Variants in SLC24A3 observed in about 807,000 individuals in gnomAD.
The protein encoded by SLC24A3 is solute carrier family 24 member 3.
Under a neutral mutation model 75.8 loss-of-function variants are expected in SLC24A3, and 28 were observed. The observed-to-expected ratio is 0.37, with a 90% CI of 0.27 to 0.51. SLC24A3 has a LOEUF of 0.51. SLC24A3 is among the 20% of genes least tolerant of loss of function. SLC24A3 has a pLI of 0.94. For missense variants in SLC24A3, 663 were observed against 847.8 expected, an observed-to-expected ratio of 0.78 and a Z score of 2.71; for synonymous variants, 372 against 334.1, an observed-to-expected ratio of 1.11 and a Z score of -1.24.
At chr20:19,331,871 G>A (rs1985007685) in intron 2 of SLC24A3, among the ~76,000 whole-genome samples, 1 of 152,182 alleles carries the variant, frequency 6.6e-6, no homozygotes, top group Admixed American at 6.5e-5. Flanking sequence ...GTCGTGATGG[G>A]GGTCGATGGG....
At chr20:19,550,234 C>G (rs1011618350) in intron 3 of SLC24A3, among the ~76,000 whole-genome samples, 6 of 152,168 alleles carry the variant, frequency 3.9e-5, no homozygotes, top group Admixed American at 6.5e-5. Flanking sequence ...TTTTTCTACA[C>G]TCTTAATTTT....
intron 2 of SLC24A3, among the ~76,000 whole-genome samples, chr20:19,305,260 G>A (rs1032376350): frequency 1.3e-5 from 2 of 152,160 alleles, no homozygotes; most frequent in African/African-American, 4.8e-5. Context: ...GAGGATGGTT[G>A]CTTCCTGTGT....
At chr20:19,363,616 CA>C (rs1165510833) in intron 2 of SLC24A3, among the ~76,000 whole-genome samples, 1 of 152,128 alleles carries the variant, frequency 6.6e-6, no homozygotes, top group Non-Finnish European at 1.5e-5. Flanking sequence ...ATGAGAGGAA[CA>C]AAATACACTC....
At chr20:19,394,697 A>G (rs1986423628) in intron 2 of SLC24A3, among the ~76,000 whole-genome samples, 1 of 152,222 alleles carries the variant, frequency 6.6e-6, no homozygotes, top group Non-Finnish European at 1.5e-5. Context: ...TGTCATAAAA[A>G]ACAAACAAAA....
chr20:19,656,355 G>A (rs141017170), intron 7 of SLC24A3, among the ~76,000 whole-genome samples: 64 of 149,848 alleles, frequency 4.3e-4, no homozygotes, highest in African/African-American at 1.3e-3. Context: ...TCATTGGGAG[G>A]GTTAGAACCC....
chr20:19,277,962 G>A (rs908560163), intron 1 of SLC24A3, among the ~76,000 whole-genome samples: 3 of 152,166 alleles, frequency 2.0e-5, no homozygotes, highest in Admixed American at 6.5e-5. Flanking sequence ...GAATGGCCAC[G>A]CTGCTGGCCA....
intron 6 of SLC24A3, among the ~76,000 whole-genome samples, chr20:19,607,803 A>T (rs1357229959): frequency 6.6e-6 from 1 of 152,204 alleles, no homozygotes; most frequent in Non-Finnish European, 1.5e-5. Flanking sequence ...ATTCATTTTC[A>T]TACTGATAAG....
chr20:19,599,386 G>C (rs1248365501), intron 6 of SLC24A3, among the ~76,000 whole-genome samples: 3 of 152,144 alleles, frequency 2.0e-5, no homozygotes, highest in Non-Finnish European at 2.9e-5. Flanking sequence ...TCCCTCCCGC[G>C]CACCTGGCGG....
chr20:19,662,039 A>G (rs182816311), intron 7 of SLC24A3, among the ~76,000 whole-genome samples: 336 of 152,308 alleles, frequency 2.2e-3, no homozygotes, highest in Non-Finnish European at 3.7e-3. Flanking sequence ...TTCCTGTTGA[A>G]CATTTAGCTC....
intron 1 of SLC24A3, among the ~76,000 whole-genome samples, chr20:19,261,360 A>T (rs904229360): frequency 6.6e-6 from 1 of 152,064 alleles, no homozygotes; most frequent in Non-Finnish European, 1.5e-5. Flanking sequence ...ACTTTTAGAG[A>T]CAAGGTCTCA....
intron 2 of SLC24A3, among the ~76,000 whole-genome samples, chr20:19,453,719 G>C (rs936312250): frequency 6.6e-6 from 1 of 152,140 alleles, no homozygotes; most frequent in East Asian, 1.9e-4. Flanking sequence ...AGACCTGTGC[G>C]CCCACCCCAC....
intron 8 of SLC24A3, among the ~76,000 whole-genome samples, chr20:19,670,298 C>T (rs1256743940): frequency 5.9e-5 from 9 of 152,048 alleles, no homozygotes; most frequent in South Asian, 2.1e-4. Context: ...GCAGGTGGGG[C>T]GGCACAGAGG....
At chr20:19,339,788 T>C (rs1159618307) in intron 2 of SLC24A3, among the ~76,000 whole-genome samples, 4 of 152,244 alleles carry the variant, frequency 2.6e-5, no homozygotes, top group African/African-American at 7.2e-5. Flanking sequence ...AGTAACATTT[T>C]ACTAAGCATG....
chr20:19,218,877 A>G (rs1392957612), intron 1 of SLC24A3, among the ~76,000 whole-genome samples: 1 of 152,176 alleles, frequency 6.6e-6, no homozygotes, highest in African/African-American at 2.4e-5. Context: ...GAATAATAGT[A>G]CACAGACTTT....
rs1308402913 is a variant in SLC24A3, at chr20:19,473,476, C to T, written c.272-42012C>T. 8.5e-5 allele frequency among the ~76,000 whole-genome samples: 13 copies of T among 152,346 alleles called. No homozygotes were observed. The East Asian group carries it at 1.2e-3, about 14-fold the overall frequency. ...ATAACAACAGCAATGGCGGGTAACCCGCCTTGAGCACTTACTGGAACTACG... is the reference window on the plus strand; with the variant it reads ...ATAACAACAGCAATGGCGGGTAACCTGCCTTGAGCACTTACTGGAACTACG... On this transcript the variant is annotated intron_variant, in intron 2 of 16. Transcript: ENST00000328041.
intron 3 of SLC24A3, among the ~76,000 whole-genome samples, chr20:19,556,913 G>A (rs953354604): frequency 6.6e-6 from 1 of 152,038 alleles, no homozygotes; most frequent in Non-Finnish European, 1.5e-5. Flanking sequence ...TTTTAAAAAA[G>A]TATTCATTTC....
At chr20:19,688,797 G>T (rs1299180890) in intron 12 of SLC24A3, among the ~76,000 whole-genome samples, 2 of 152,122 alleles carry the variant, frequency 1.3e-5, no homozygotes, top group African/African-American at 4.8e-5. Context: ...ATACTGTTGT[G>T]AGTTCATATA....
intron 6 of SLC24A3, among the ~76,000 whole-genome samples, chr20:19,638,990 C>A (rs1165842848): frequency 6.6e-6 from 1 of 152,152 alleles, no homozygotes; most frequent in Non-Finnish European, 1.5e-5. Context: ...AAACCTTCCA[C>A]ACTGTGGAAG....
intron 2 of SLC24A3, among the ~76,000 whole-genome samples, chr20:19,489,348 C>G (rs1026367780): frequency 2.6e-5 from 4 of 152,116 alleles, no homozygotes; most frequent in African/African-American, 9.7e-5. Flanking sequence ...GTTTTAATGG[C>G]AAGCATCTCA....
Sources: gnomAD v4.1 joint callset for allele counts (sites outside exome capture counted in the v4.1 genomes callset) on GRCh38, gnomAD v4.1.1 for gene constraint, MANE v1.5 for transcripts, NCBI Gene and HGNC (gene_info 2026-07-23, HGNC 2026-07-21) for gene names.